Variants in BNC2 observed in about 807,000 individuals in gnomAD.
The protein encoded by BNC2 is zinc finger protein basonuclin-2.
In BNC2, 20 loss-of-function variants were observed where a neutral mutation model predicts 76.3. The observed-to-expected ratio is 0.26, with a 90% CI of 0.18 to 0.38. The LOEUF (loss-of-function observed/expected upper bound fraction) is 0.38, where lower values mean the gene tolerates loss of function less well. Ranked by LOEUF, BNC2 falls within the 10% of genes least tolerant of loss-of-function variation. The pLI, the probability that BNC2 is intolerant of heterozygous loss-of-function variation, is 1.00. For missense variants in BNC2, 1,382 were observed against 1,399.8 expected, an observed-to-expected ratio of 0.99 and a Z score of 0.20; for synonymous variants, 582 against 514.8, an observed-to-expected ratio of 1.13 and a Z score of -1.77.
chr9:16,657,206 G>T (rs1821955655), intron 3 of BNC2, among the ~76,000 whole-genome samples: 1 of 152,142 alleles, frequency 6.6e-6, no homozygotes, highest in South Asian at 2.1e-4. Context: ...CCCCAAGTGT[G>T]CAGGTGAAAA....
At chr9:16,845,439 T>G (rs1022013336) in intron 1 of BNC2, among the ~76,000 whole-genome samples, 1 of 152,174 alleles carries the variant, frequency 6.6e-6, no homozygotes, top group Non-Finnish European at 1.5e-5. Context: ...ATAGGAAAAT[T>G]GGCCGGGCGC....
At chr9:16,476,760 A>G (rs1292659258) in intron 5 of BNC2, among the ~76,000 whole-genome samples, 1 of 152,158 alleles carries the variant, frequency 6.6e-6, no homozygotes, top group Non-Finnish European at 1.5e-5. Context: ...CTGTGATCCA[A>G]TGGTCTTCCT....
At chr9:16,578,834 A>T (rs1421268251) in intron 4 of BNC2, among the ~76,000 whole-genome samples, 1 of 152,202 alleles carries the variant, frequency 6.6e-6, no homozygotes, top group Non-Finnish European at 1.5e-5. Context: ...AAAGCAAACA[A>T]GGGAAAGTAA....
intron 4 of BNC2, among the ~76,000 whole-genome samples, chr9:16,573,741 A>G (rs1316173725): frequency 1.3e-5 from 2 of 152,202 alleles, no homozygotes; most frequent in South Asian, 2.1e-4. Context: ...TACTGGTTAC[A>G]AGTCTATCCA....
intron 1 of BNC2, among the ~76,000 whole-genome samples, chr9:16,861,756 G>A (rs1407953307): frequency 1.1e-4 from 17 of 152,320 alleles, no homozygotes; most frequent in South Asian, 8.3e-4. Context: ...TTGGGAGGCC[G>A]AGGCGGGAGG....
chr9:16,785,360 G>C (rs534417046), intron 1 of BNC2, among the ~76,000 whole-genome samples: 3 of 152,230 alleles, frequency 2.0e-5, no homozygotes, highest in South Asian at 4.2e-4. Flanking sequence ...AAGGGGATCA[G>C]GTGACTACTT....
intron 4 of BNC2, among the ~76,000 whole-genome samples, chr9:16,558,019 T>C (rs374740041): frequency 6.6e-6 from 1 of 152,126 alleles, no homozygotes; most frequent in Non-Finnish European, 1.5e-5. Context: ...AATTTTTCTG[T>C]ATTTTTTTTG....
At chr9:16,447,760 G>A (rs1470022063) in intron 5 of BNC2, among the ~76,000 whole-genome samples, 1 of 152,056 alleles carries the variant, frequency 6.6e-6, no homozygotes, top group African/African-American at 2.4e-5. Context: ...TACCAGTAGG[G>A]TTTGTGAACA....
chr9:16,625,118 GAATT>G (rs1272869269), intron 3 of BNC2, among the ~76,000 whole-genome samples: 7 of 152,158 alleles, frequency 4.6e-5, no homozygotes, highest in Admixed American at 2.6e-4. Flanking sequence ...GCTTTTCAGA[GAATT>G]ATTTGTAAGA....
chr9:16,787,296 T>C (rs896938041), intron 1 of BNC2, among the ~76,000 whole-genome samples: 9 of 152,156 alleles, frequency 5.9e-5, no homozygotes, highest in Admixed American at 4.6e-4. Flanking sequence ...TCTCTAGACT[T>C]TACTCCTATT....
At position 16,440,236 on chromosome 9, in the gene BNC2, A is replaced by C. The variant is rs142407684; in HGVS notation, c.670-2712T>G. On this transcript the variant is annotated intron_variant, in intron 5 of 6. Coordinates refer to ENST00000380672, the MANE Select transcript of BNC2 (RefSeq NM_017637.6). ...AATTGAAGGCCCAGGAGTTGAACACAAAAATTCTGACTCTAAGTTTAGAGT... is the reference window on the plus strand; with the variant it reads ...AATTGAAGGCCCAGGAGTTGAACACCAAAATTCTGACTCTAAGTTTAGAGT... Among the ~76,000 whole-genome samples, 8 of 152,298 alleles carry C rather than the reference A, an allele frequency of 5.3e-5. No individual in the cohort carries two copies. In the East Asian group the frequency reaches 1.5e-3, roughly 29 times the overall value.
intron 3 of BNC2, among the ~76,000 whole-genome samples, chr9:16,658,378 T>C (rs1159512824): frequency 6.6e-6 from 1 of 152,204 alleles, no homozygotes; most frequent in Non-Finnish European, 1.5e-5. Flanking sequence ...TATATTTTAG[T>C]CAATGTTCCT....
At chr9:16,782,301 G>GATA (rs928835911) in intron 1 of BNC2, among the ~76,000 whole-genome samples, 6 of 151,032 alleles carry the variant, frequency 4.0e-5, no homozygotes, top group Non-Finnish European at 5.9e-5. Context: ...TAATAATAAT[G>GATA]ATAATAATAA....
intron 3 of BNC2, among the ~76,000 whole-genome samples, chr9:16,678,181 G>T (rs985747495): frequency 6.6e-6 from 1 of 151,682 alleles, no homozygotes; most frequent in Admixed American, 6.6e-5. Context: ...AGGGGTGAAG[G>T]GAGATAAAAT....
chr9:16,773,395 C>T (rs1011663350), intron 1 of BNC2, among the ~76,000 whole-genome samples: 3 of 151,960 alleles, frequency 2.0e-5, no homozygotes, highest in Non-Finnish European at 4.4e-5. Flanking sequence ...TGTCCATTCC[C>T]ACTGCTTACA....
At chr9:16,595,213 C>T (rs993856476) in intron 3 of BNC2, among the ~76,000 whole-genome samples, 2 of 152,098 alleles carry the variant, frequency 1.3e-5, no homozygotes, top group Non-Finnish European at 2.9e-5. Context: ...TGTCCATCAG[C>T]GACACATCTC....
intron 3 of BNC2, among the ~76,000 whole-genome samples, chr9:16,641,277 A>T (rs560352910): frequency 6.6e-6 from 1 of 152,328 alleles, no homozygotes; most frequent in Non-Finnish European, 1.5e-5. Context: ...TGAAAAAGTC[A>T]GTGAGAAGAT....
At chr9:16,742,447 C>G (rs1258100928) in intron 1 of BNC2, among the ~76,000 whole-genome samples, 2 of 152,184 alleles carry the variant, frequency 1.3e-5, no homozygotes, top group African/African-American at 4.8e-5. Context: ...TCCAGAATCC[C>G]TCTGGAGAGC....
chr9:16,842,226 C>T (rs753858194), intron 1 of BNC2, among the ~76,000 whole-genome samples: 17 of 152,130 alleles, frequency 1.1e-4, no homozygotes, highest in Admixed American at 4.6e-4. Context: ...GTTGACCTAC[C>T]AAACTAGTAA....
Sources: gnomAD v4.1 joint callset for allele counts (sites outside exome capture counted in the v4.1 genomes callset) on GRCh38, gnomAD v4.1.1 for gene constraint, MANE v1.5 for transcripts, NCBI Gene and HGNC (gene_info 2026-07-23, HGNC 2026-07-21) for gene names.